The following ZNF804B variants were observed in gnomAD, a reference collection of about 807,000 sequenced individuals.
The protein encoded by ZNF804B is zinc finger 804B.
ZNF804B carries 80 observed loss-of-function variants against 101.4 expected under a neutral mutation model. The ratio of observed to expected loss-of-function variants is 0.79; its 90% CI spans 0.66 to 0.95. The LOEUF (loss-of-function observed/expected upper bound fraction) is 0.95, where lower values mean the gene tolerates loss of function less well. ZNF804B is among the 40% of genes least tolerant of loss of function. The pLI is 0.00. For missense variants in ZNF804B, 1,673 were observed against 1,561.9 expected (o/e 1.07, Z -1.20); for synonymous variants, 622 against 558.8 (o/e 1.11, Z -1.59).
intron 1 of ZNF804B, among the ~76,000 whole-genome samples, chr7:89,120,276 A>G (rs1790381018): frequency 6.6e-6 from 1 of 151,922 alleles, no homozygotes; most frequent in African/African-American, 2.4e-5. Context: ...CAACCGAGCA[A>G]GAACTCCATC....
chr7:88,945,504 A>T (rs1173103806), intron 1 of ZNF804B, among the ~76,000 whole-genome samples: 1 of 152,074 alleles, frequency 6.6e-6, no homozygotes, highest in Non-Finnish European at 1.5e-5. Context: ...CTTGCAGTAT[A>T]CTTTGAAGTC....
At chr7:89,321,495 A>G (rs939570260) in intron 2 of ZNF804B, among the ~76,000 whole-genome samples, 1 of 152,050 alleles carries the variant, frequency 6.6e-6, no homozygotes, top group Non-Finnish European at 1.5e-5. Flanking sequence ...TAATAATAAT[A>G]ATAATTTTAT....
At chr7:89,148,642 T>C (rs1006856166) in intron 1 of ZNF804B, among the ~76,000 whole-genome samples, 10 of 152,176 alleles carry the variant, frequency 6.6e-5, no homozygotes, top group Non-Finnish European at 1.5e-5. Context: ...TCTAAAGATA[T>C]AAAAATCCCA....
At chr7:89,221,221 A>G (rs574176729) in intron 2 of ZNF804B, among the ~76,000 whole-genome samples, 162 of 152,112 alleles carry the variant, frequency 1.1e-3, no homozygotes, top group African/African-American at 3.6e-3. Context: ...GATGATTCAA[A>G]TTCTTTTACC....
chr7:88,794,080 G>T, intron 1 of ZNF804B: 1 of 909,860 alleles, frequency 1.1e-6, no homozygotes, highest in Non-Finnish European at 1.6e-6. Flanking sequence ...ATATTGCAAT[G>T]TTCTGTTTCT....
chr7:89,070,398 GC>G (rs1562876160), intron 1 of ZNF804B, among the ~76,000 whole-genome samples: 2 of 152,040 alleles, frequency 1.3e-5, no homozygotes, highest in South Asian at 2.1e-4. Context: ...ACCTGGAGGT[GC>G]CCCCAGGTCA....
At chr7:89,210,485 C>T (rs759708894) in intron 1 of ZNF804B, among the ~76,000 whole-genome samples, 4 of 152,234 alleles carry the variant, frequency 2.6e-5, no homozygotes, top group Admixed American at 6.5e-5. Context: ...TATCCTAATG[C>T]ACTCCCATCC....
At chr7:89,193,656 G>A (rs1345337047) in intron 1 of ZNF804B, among the ~76,000 whole-genome samples, 1 of 151,896 alleles carries the variant, frequency 6.6e-6, no homozygotes, top group Non-Finnish European at 1.5e-5. Context: ...CATTTTTTAT[G>A]GCTGCATAGT....
intron 1 of ZNF804B, among the ~76,000 whole-genome samples, chr7:89,142,307 G>T (rs1162322134): frequency 8.3e-6 from 1 of 120,436 alleles, no homozygotes. Flanking sequence ...TTTTTCTTTT[G>T]TTGTTGTTGT....
intron 1 of ZNF804B, among the ~76,000 whole-genome samples, chr7:88,990,339 T>C (rs1047147217): frequency 6.6e-6 from 1 of 152,058 alleles, no homozygotes; most frequent in Non-Finnish European, 1.5e-5. Context: ...TGTATCCTTT[T>C]CCAAATTTAG....
intron 2 of ZNF804B, among the ~76,000 whole-genome samples, chr7:89,232,153 G>C (rs1789202603): frequency 6.6e-6 from 1 of 152,038 alleles, no homozygotes; most frequent in Non-Finnish European, 1.5e-5. Flanking sequence ...CTTCCGTTTA[G>C]CCAGATGCTT....
intron 1 of ZNF804B, among the ~76,000 whole-genome samples, chr7:88,941,609 G>T (rs574092589): frequency 1.3e-5 from 2 of 151,950 alleles, no homozygotes; most frequent in African/African-American, 4.8e-5. Flanking sequence ...GGATTAGGAG[G>T]AGAAAGAGAT....
At chr7:89,193,351 G>A (rs143617492) in intron 1 of ZNF804B, among the ~76,000 whole-genome samples, 5,940 of 149,204 alleles carry the variant, frequency 0.04, 117 homozygotes, top group Admixed American at 0.045. Flanking sequence ...TAGGGTACGT[G>A]TGCACAATGT....
At chr7:88,954,383 C>A (rs571423472) in intron 1 of ZNF804B, among the ~76,000 whole-genome samples, 1 of 151,746 alleles carries the variant, frequency 6.6e-6, no homozygotes, top group South Asian at 2.1e-4. Context: ...AAAAATAAGG[C>A]TTGAAACACA....
chr7:89,218,451 A>G (rs1389560845), intron 2 of ZNF804B, among the ~76,000 whole-genome samples, 156 bp downstream of exon 2: 7 of 152,094 alleles, frequency 4.6e-5, no homozygotes, highest in Admixed American at 4.6e-4. Context: ...TTGTGTTTAA[A>G]TGTTATCCAA....
At chr7:88,954,596 C>A (rs1018675256) in intron 1 of ZNF804B, among the ~76,000 whole-genome samples, 1 of 151,140 alleles carries the variant, frequency 6.6e-6, no homozygotes, top group African/African-American at 2.4e-5. Flanking sequence ...ATATTTAATG[C>A]ACCTGCTGCC....
intron 1 of ZNF804B, among the ~76,000 whole-genome samples, chr7:88,809,148 G>A (rs1790737858): frequency 3.3e-5 from 5 of 152,104 alleles, no homozygotes; most frequent in Admixed American, 3.3e-4. Flanking sequence ...GAAAGAATCT[G>A]CCTTACTAAG....
In ZNF804B at chr7:89,335,499, C is replaced by A. The variant is rs1326290491; in HGVS notation, c.2517C>A (p.Ser839Arg). ...ACTCACAGATTTCCTGTACTGGAAGCAGTAAAAAACCACCTAATTGCCAGG... is the reference window on the plus strand; with the variant it reads ...ACTCACAGATTTCCTGTACTGGAAGAAGTAAAAAACCACCTAATTGCCAGG... ...DSNSQISCTG[S>R]SKKPPNCQGT... is the part of the protein sequence containing the mutation. Residue 839 changes from serine (S) to arginine (R), a missense_variant, in exon 4 of 4, where the codon AGC (serine) becomes AGA (arginine). Physicochemically the swap from Ser to Arg is moderately radical, Grantham distance 110. Coordinates refer to ENST00000333190, the MANE Select transcript of ZNF804B (RefSeq NM_181646.5). 3.7e-6 allele frequency: 6 copies of A among 1,613,836 alleles called. No homozygotes were observed. In the African/African-American group the frequency reaches 5.3e-5, roughly 14 times the overall value.
At chr7:89,207,545 G>A (rs1296894030) in intron 1 of ZNF804B, among the ~76,000 whole-genome samples, 1 of 152,148 alleles carries the variant, frequency 6.6e-6, no homozygotes, top group Non-Finnish European at 1.5e-5. Flanking sequence ...GTGAGATTTG[G>A]GTGGGGACAT....
Sources: allele counts gnomAD v4.1 joint callset (sites outside exome capture counted in the v4.1 genomes callset), GRCh38; gene constraint gnomAD v4.1.1; transcripts MANE v1.5; gene names NCBI Gene and HGNC (gene_info 2026-07-23, HGNC 2026-07-21).